NF1: variants seen among roughly 807,000 people sequenced by gnomAD.
NF1 encodes the protein neurofibromin 1, also known as neurofibromin.
A neutral mutation model predicts 325.7 loss-of-function variants in NF1; 122 were observed. The observed-to-expected ratio is 0.37, with a 90% CI of 0.32 to 0.44. The LOEUF (loss-of-function observed/expected upper bound fraction) is 0.44, where lower values mean the gene tolerates loss of function less well. Among genes scored for constraint, NF1 ranks in the 20% least tolerant of loss-of-function variants. The pLI, the probability that NF1 is intolerant of heterozygous loss-of-function variation, is 1.00. For missense variants in NF1, 2,140 were observed against 3,415.4 expected (o/e 0.63, Z 9.31); for synonymous variants, 1,091 against 1,186.0 (o/e 0.92, Z 1.65).
chr17:31,210,927 G>C (rs1267959583), intron 12 of NF1, among the ~76,000 whole-genome samples: 3 of 152,040 alleles, frequency 2.0e-5, no homozygotes, highest in Admixed American at 6.5e-5. Context: ...TCTTAGCACT[G>C]ATTTTACTAT....
intron 1 of NF1, among the ~76,000 whole-genome samples, chr17:31,134,473 ATTG>A (rs774251482): frequency 1.6e-4 from 24 of 152,102 alleles, no homozygotes; most frequent in Non-Finnish European, 3.4e-4. Context: ...TTAGTTATTT[ATTG>A]TTATGTTATA....
intron 36 of NF1, among the ~76,000 whole-genome samples, chr17:31,265,745 G>A (rs974360646): frequency 1.3e-5 from 2 of 152,074 alleles, no homozygotes; most frequent in African/African-American, 2.4e-5. Context: ...AAAATATGCT[G>A]TGTAAGACAG....
At position 31,336,215 on chromosome 17, in the gene NF1, TGA is replaced by T. The variant is rs2069664469; in HGVS notation, c.6007-116_6007-115del. 9.8e-7 allele frequency: 1 copy of T among 1,023,228 alleles called. No homozygotes were observed. The highest frequency in any genetic ancestry group is 1.5e-6 in the Non-Finnish European group (1 of 685,024). 63.4% of individuals were successfully genotyped at this position (1,023,228 alleles called of 1,614,324 possible). On this transcript the variant is annotated intron_variant, in intron 40 of 57. Transcript: ENST00000358273. This position sits in a 1 kb window ranked among gnomAD's most constrained non-coding sequence, Gnocchi z 5.5. ...GCCTGTAAATAAAATCTAGTATTTT[TGA>T]GGCCTCAGGTAAAATAGAATTTTCA...
At position 31,219,088 on chromosome 17, in the gene NF1, C is replaced by T. The variant is rs1597703539; in HGVS notation, c.1611C>T (p.His537=). 10 of 1,613,724 alleles carry T rather than the reference C, an allele frequency of 6.2e-6. No homozygotes were observed. Among genetic ancestry groups the T allele is most frequent in the Non-Finnish European group, 6.8e-6 (8 of 1,179,854 alleles). ...TCGTCCAACTGGTCCCTCAGTCACACATGCCAGAGATTGCTCAGGAAGCAA... is the reference window on the plus strand; with the variant it reads ...TCGTCCAACTGGTCCCTCAGTCACATATGCCAGAGATTGCTCAGGAAGCAA... ...TGLVQLVPQS[H]MPEIAQEAME... is the part of the protein sequence containing the mutation. The change falls in exon 14 of 58, where the codon CAC becomes CAT. Residue 537 remains histidine (H), a synonymous_variant. Coordinates refer to ENST00000358273, the MANE Select transcript of NF1 (RefSeq NM_001042492.3).
chr17:31,252,827 A>T, intron 30 of NF1, 111 bp from the exon 31 acceptor site: 2 of 817,710 alleles, frequency 2.4e-6, no homozygotes, highest in Admixed American at 2.4e-5. Flanking sequence ...TTTTTTGTTG[A>T]TTCCATTTGT....
intron 39 of NF1, among the ~76,000 whole-genome samples, chr17:31,333,413 A>G (rs1181613537): frequency 6.6e-6 from 1 of 152,372 alleles, no homozygotes; most frequent in Non-Finnish European, 1.5e-5. Flanking sequence ...GAACTTCTAC[A>G]TGCAAATACA....
At chr17:31,237,542 G>T (rs556421132) in intron 29 of NF1, among the ~76,000 whole-genome samples, 141 of 152,178 alleles carry the variant, frequency 9.3e-4, no homozygotes, top group African/African-American at 3.2e-3. Context: ...CTCCCAAAGT[G>T]CTGGGATTAC....
intron 36 of NF1, among the ~76,000 whole-genome samples, chr17:31,271,655 C>T (rs531895314): frequency 2.0e-5 from 3 of 152,186 alleles, no homozygotes; most frequent in Admixed American, 6.5e-5. Context: ...GGGGCTGAGG[C>T]AGGAGAATTG....
At chr17:31,152,042 C>T (rs1916980675) in intron 1 of NF1, among the ~76,000 whole-genome samples, 1 of 152,064 alleles carries the variant, frequency 6.6e-6, no homozygotes, top group South Asian at 2.1e-4. Flanking sequence ...CTCCCCCTAC[C>T]CCACGACAGG....
At chr17:31,261,079 C>T (rs552372547) in intron 34 of NF1, among the ~76,000 whole-genome samples, 1 of 151,732 alleles carries the variant, frequency 6.6e-6, no homozygotes, top group African/African-American at 2.4e-5. Context: ...CCTGTCTCTA[C>T]GAAAAATACA....
At position 31,221,838 on chromosome 17, in the gene NF1, T is replaced by C. The variant is rs2066926774; in HGVS notation, c.1642-12T>C. 1 of 1,591,312 alleles carries C rather than the reference T, an allele frequency of 6.3e-7. No individual in the cohort carries two copies. Among genetic ancestry groups the C allele is most frequent in the Non-Finnish European group, 8.6e-7 (1 of 1,167,694 alleles). On this transcript the variant is annotated splice_polypyrimidine_tract_variant and intron_variant, in intron 14 of 57. Transcript: ENST00000358273. ...GTCTTCTCTTTGTCTTTCTCTTTTT[T>C]AAAAAATTCAGGCTCTGCTGGTTCT...
At chr17:31,164,404 C>T (rs1203786212) in intron 4 of NF1, among the ~76,000 whole-genome samples, 1 of 152,132 alleles carries the variant, frequency 6.6e-6, no homozygotes, top group Non-Finnish European at 1.5e-5. Context: ...CAAGTAGCTG[C>T]AAATTGTTGT....
chr17:31,270,037 A>C (rs2067862224), intron 36 of NF1, among the ~76,000 whole-genome samples: 1 of 152,230 alleles, frequency 6.6e-6, no homozygotes, highest in Non-Finnish European at 1.5e-5. Flanking sequence ...GGCAGGCAGA[A>C]GTAGCAGAAG....
intron 36 of NF1, among the ~76,000 whole-genome samples, chr17:31,270,446 G>A (rs11867284): frequency 0.56 from 85,637 of 151,868 alleles, 26,526 homozygotes; most frequent in Middle Eastern, 0.77. Flanking sequence ...CTGTCACCAC[G>A]GAAGAATACA....
intron 36 of NF1, chr17:31,271,961 AAT>A (rs751131137): frequency 3.3e-5 from 5 of 151,926 alleles, no homozygotes; most frequent in Non-Finnish European, 7.4e-5. Flanking sequence ...CTTTAATATA[AAT>A]ATCTGAGTTT....
At chr17:31,237,687 G>A (rs990516514) in intron 29 of NF1, among the ~76,000 whole-genome samples, 3 of 132,628 alleles carry the variant, frequency 2.3e-5, no homozygotes, top group Non-Finnish European at 4.7e-5. Flanking sequence ...ATTTTCAAGT[G>A]TACATAATAC....
At chr17:31,365,258 C>A (rs1188503663) in intron 57 of NF1, among the ~76,000 whole-genome samples, 2 of 112,112 alleles carry the variant, frequency 1.8e-5, no homozygotes, top group Non-Finnish European at 3.3e-5. Flanking sequence ...GCACTCCAGT[C>A]AGGGATTGAG....
chr17:31,267,282 A>G (rs894894040), intron 36 of NF1, among the ~76,000 whole-genome samples: 42 of 152,168 alleles, frequency 2.8e-4, no homozygotes, highest in Admixed American at 2.3e-3. Flanking sequence ...GTTGCTTCAT[A>G]TGTTAAAGCT....
chr17:31,244,976 AAATG>A (rs2067366423), intron 29 of NF1, among the ~76,000 whole-genome samples: 1 of 152,310 alleles, frequency 6.6e-6, no homozygotes, highest in African/African-American at 2.4e-5. Flanking sequence ...AATTGAACAC[AAATG>A]TTCATTGTAG....
Sources: allele counts gnomAD v4.1 joint callset (sites outside exome capture counted in the v4.1 genomes callset), GRCh38; gene constraint gnomAD v4.1.1; non-coding constraint Gnocchi (gnomAD v3.1); transcripts MANE v1.5; gene names NCBI Gene and HGNC (gene_info 2026-07-23, HGNC 2026-07-21).